Variants in RADX observed in about 807,000 individuals in gnomAD.
RADX encodes the protein RPA1 related single stranded DNA binding protein, X-linked.
Under a neutral mutation model 61.6 loss-of-function variants are expected in RADX, and 36 were observed. The ratio of observed to expected loss-of-function variants is 0.58; its 90% CI spans 0.45 to 0.77. The LOEUF is 0.77. Ranked by LOEUF, RADX falls within the 30% of genes least tolerant of loss-of-function variation. The probability of loss-of-function intolerance (pLI) is 0.00; values close to 1 mark genes in which losing one functional copy is unlikely to be tolerated. For synonymous variants in RADX, 272 were observed against 237.9 expected, an observed-to-expected ratio of 1.14 and a Z score of -1.32; for missense variants, 497 against 651.1, an observed-to-expected ratio of 0.76 and a Z score of 2.58.
At chrX:106,668,480 A>T (rs1293974009) in intron 12 of RADX, among the ~76,000 whole-genome samples, 2 of 111,882 alleles carry the variant, frequency 1.8e-5, no homozygotes, top group Non-Finnish European at 3.8e-5. Flanking sequence ...CATGCCTAAA[A>T]TGCCCTCTTC....
chrX:106,640,488 G>A (rs1927482181), intron 9 of RADX, 64 bp from the exon 10 acceptor site: 1 of 795,853 alleles, frequency 1.3e-6, no homozygotes, highest in Admixed American at 3.6e-5. Flanking sequence ...TAAAATTGTA[G>A]TCTTTTATGA....
At chrX:106,663,059 C>A (rs73529281) in intron 12 of RADX, among the ~76,000 whole-genome samples, 2,610 of 110,886 alleles carry the variant, frequency 0.024, 86 homozygotes, top group African/African-American at 0.081. Flanking sequence ...AGTACCAGGT[C>A]TTATTACCTT....
At chrX:106,643,773 G>T (rs747517063) in intron 10 of RADX, among the ~76,000 whole-genome samples, 7 of 111,458 alleles carry the variant, frequency 6.3e-5, no homozygotes, top group African/African-American at 1.9e-4. Flanking sequence ...TCTTTTGTGG[G>T]TCCATCTAAA....
In RADX at chrX:106,678,409, G is replaced by C. The variant is rs1312369553; in HGVS notation, c.*151G>C. The C allele has an allele frequency of 2.6e-6, 1 of 379,788 alleles. No homozygotes were observed. Among genetic ancestry groups the C allele is most frequent in the African/African-American group, 2.5e-5 (1 of 39,703 alleles). 31.3% of individuals were successfully genotyped at this position (379,788 alleles called of 1,213,427 possible). ...CAGTTTTATGTTCGTTTTGTGTTTA[G>C]GGAGCTTTTTAAAACACTTCATTTC... On this transcript the variant is annotated 3_prime_UTR_variant, in exon 14 of 14. Transcript: ENST00000372548.
At chrX:106,628,025 G>A (rs1272863428) in intron 3 of RADX, among the ~76,000 whole-genome samples, 1 of 110,695 alleles carries the variant, frequency 9.0e-6, no homozygotes, top group African/African-American at 3.3e-5. Flanking sequence ...TAGTAGAGAC[G>A]AGGTTTCACC....
intron 11 of RADX, among the ~76,000 whole-genome samples, chrX:106,656,624 G>A (rs183812913): frequency 2.7e-5 from 3 of 111,779 alleles, no homozygotes; most frequent in Admixed American, 9.5e-5. Flanking sequence ...ATGGTTTTGT[G>A]TTTGCAGGCA....
At chrX:106,649,180 A>G (rs1329958122) in intron 11 of RADX, among the ~76,000 whole-genome samples, 1 of 111,462 alleles carries the variant, frequency 9.0e-6, no homozygotes, top group Non-Finnish European at 1.9e-5. Flanking sequence ...TATTCTCTAT[A>G]AGGCTGAATA....
intron 3 of RADX, among the ~76,000 whole-genome samples, chrX:106,628,319 TA>T (rs1220576583): frequency 5.4e-5 from 6 of 111,729 alleles, no homozygotes; most frequent in African/African-American, 2.0e-4. Flanking sequence ...TAAACCATAT[TA>T]AAAATGTAAT....
At chrX:106,625,585 G>A (rs763401815) in intron 3 of RADX, among the ~76,000 whole-genome samples, 24 of 111,075 alleles carry the variant, frequency 2.2e-4, no homozygotes, top group African/African-American at 7.2e-4. Context: ...AGTTAATAAC[G>A]AATATATTTT....
chrX:106,622,672 C>G lies in RADX; in HGVS notation c.665C>G (p.Ser222Cys). The change falls in exon 2 of 14, where the codon TCT (serine) becomes TGT (cysteine). Residue 222 changes from serine (S) to cysteine (C), a missense_variant. Transcript: ENST00000372548. ...NFSDTKIISL[S>C]HLEMTWTNRR... ...CTAGATACCAAAATAATTTCCCTTT[C>G]TCATCTTGAAATGACCTGGACTAAC... 1 of 1,140,394 alleles carries G rather than the reference C, an allele frequency of 8.8e-7. No individual in the cohort carries two copies. Among genetic ancestry groups the G allele is most frequent in the Non-Finnish European group, 1.2e-6 (1 of 839,910 alleles). The allele number at this position is 1,140,394 out of a possible 1,213,427, so 94.0% of individuals were successfully genotyped here.
intron 11 of RADX, among the ~76,000 whole-genome samples, chrX:106,655,875 T>A (rs924954141): frequency 1.8e-5 from 2 of 111,764 alleles, no homozygotes; most frequent in African/African-American, 6.5e-5. Flanking sequence ...GATGGCTGGG[T>A]CAAATGATAT....
chrX:106,673,700 C>G (rs1028623828), intron 13 of RADX, among the ~76,000 whole-genome samples: 5 of 104,607 alleles, frequency 4.8e-5, no homozygotes, highest in Non-Finnish European at 9.7e-5. Flanking sequence ...ACACACACAC[C>G]GCCCCTGGTA....
chrX:106,658,683 T>C (rs1928008801), intron 11 of RADX, among the ~76,000 whole-genome samples: 1 of 112,363 alleles, frequency 8.9e-6, no homozygotes, highest in African/African-American at 3.2e-5. Context: ...GTCACTAATG[T>C]ATTCCCAGGT....
At chrX:106,623,549 C>T (rs1002612298) in intron 2 of RADX, among the ~76,000 whole-genome samples, 1 of 111,215 alleles carries the variant, frequency 9.0e-6, no homozygotes, top group African/African-American at 3.3e-5. Context: ...CCACTGTTAA[C>T]ATGGTGTGTT....
At chrX:106,650,256 A>C (rs1365736025) in intron 11 of RADX, among the ~76,000 whole-genome samples, 1 of 111,053 alleles carries the variant, frequency 9.0e-6, no homozygotes, top group South Asian at 3.8e-4. Flanking sequence ...TGCAGTTCAC[A>C]TGATTAAAAT....
At chrX:106,622,856 C>T in intron 2 of RADX, 63 bp downstream of exon 2, 1 of 631,597 alleles carries the variant, frequency 1.6e-6, no homozygotes, top group Non-Finnish European at 2.3e-6. Flanking sequence ...ACACACCTCA[C>T]TCCATAGTAT....
intron 11 of RADX, among the ~76,000 whole-genome samples, chrX:106,661,359 G>GT (rs58810005): frequency 0.046 from 4,149 of 90,984 alleles, 253 homozygotes; most frequent in African/African-American, 0.18. Flanking sequence ...TTTTTGTTTT[G>GT]TTTTTTTTTC....
chrX:106,628,317 A>G (rs1359043783), intron 3 of RADX, among the ~76,000 whole-genome samples: 1 of 112,274 alleles, frequency 8.9e-6, no homozygotes, highest in East Asian at 2.8e-4. Flanking sequence ...AGTAAACCAT[A>G]TTAAAAATGT....
intron 1 of RADX, among the ~76,000 whole-genome samples, chrX:106,617,020 GT>G (rs60413185): frequency 0.022 from 1,175 of 54,458 alleles, 9 homozygotes; most frequent in African/African-American, 0.075. Context: ...GTGTGTGTGG[GT>G]TTTTTTTTTT....
Sources: allele counts gnomAD v4.1 joint callset (sites outside exome capture counted in the v4.1 genomes callset), GRCh38; gene constraint gnomAD v4.1.1; transcripts MANE v1.5; gene names NCBI Gene and HGNC (gene_info 2026-07-23, HGNC 2026-07-21).